CLOCK: variants seen among roughly 807,000 people sequenced by gnomAD.
The protein encoded by CLOCK is circadian locomoter output cycles protein kaput.
Under a neutral mutation model 118.4 loss-of-function variants are expected in CLOCK, and 43 were observed. That is an observed-to-expected ratio of 0.36 (90% CI 0.28 to 0.47). The LOEUF (loss-of-function observed/expected upper bound fraction) is 0.47. Ranked by LOEUF, CLOCK falls within the 20% of genes least tolerant of loss-of-function variation. The pLI is 1.00. For synonymous variants in CLOCK, 326 were observed against 339.2 expected (o/e 0.96, Z 0.43); for missense variants, 846 against 999.9 (o/e 0.85, Z 2.08).
chr4:55,450,263 T>C, intron 15 of CLOCK, 31 bp from the exon 16 acceptor site: 4 of 1,613,464 alleles, frequency 2.5e-6, no homozygotes, highest in South Asian at 1.1e-5. Flanking sequence ...AAATGTTTTC[T>C]TGTGGTTCAG....
At chr4:55,530,515 A>G (rs181236563) in intron 1 of CLOCK, among the ~76,000 whole-genome samples, 11 of 152,146 alleles carry the variant, frequency 7.2e-5, no homozygotes, top group Non-Finnish European at 1.5e-4. Context: ...TGGCTCATGC[A>G]TATAATCCCA....
chr4:55,449,619 G>T, intron 16 of CLOCK, 123 bp from the exon 17 acceptor site: 1 of 804,486 alleles, frequency 1.2e-6, no homozygotes, highest in Non-Finnish European at 2.1e-6. Context: ...ACCATTCAAT[G>T]AAAGTGAAGT....
intron 1 of CLOCK, among the ~76,000 whole-genome samples, chr4:55,527,764 T>G (rs1730298397): frequency 6.6e-6 from 1 of 152,056 alleles, no homozygotes; most frequent in African/African-American, 2.4e-5. Context: ...AAATATCAGC[T>G]GGGTGTGGTG....
chr4:55,485,642 A>T (rs1205652703), intron 3 of CLOCK, among the ~76,000 whole-genome samples: 2 of 152,326 alleles, frequency 1.3e-5, no homozygotes, highest in South Asian at 4.1e-4. Context: ...TTATTTTTTA[A>T]GTTCGACATT....
In CLOCK at chr4:55,458,952, A is replaced by T. The variant is rs2109800702; in HGVS notation, c.732T>A (p.Ser244=). 6.2e-7 allele frequency: 1 copy of T among 1,614,000 alleles called. No homozygotes were observed. The highest frequency in any genetic ancestry group is 2.2e-5 in the East Asian group (1 of 44,828). Residue 244 remains serine (S), a synonymous_variant, in exon 11 of 23, where the codon TCT becomes TCA. Coordinates refer to ENST00000513440, the MANE Select transcript of CLOCK (RefSeq NM_004898.4). ...EGTIQRTHRP[S]YEDRVCFVAT... ...CTACAAAACAAACTCTATCTTCATA[A>T]GATGGCCTATGTGTGCGTTGTATAG...
At chr4:55,479,501 T>C (rs1726766484) in intron 5 of CLOCK, 139 bp downstream of exon 5, 3 of 688,480 alleles carry the variant, frequency 4.4e-6, no homozygotes, top group South Asian at 3.7e-5. Context: ...CATACCAATA[T>C]TCTAAGTTCT....
At chr4:55,462,890 C>G (rs1725453987) in intron 9 of CLOCK, among the ~76,000 whole-genome samples, 1 of 151,350 alleles carries the variant, frequency 6.6e-6, no homozygotes, top group Non-Finnish European at 1.5e-5. Context: ...AGACAGTATG[C>G]TATAGAATTT....
At chr4:55,460,373 A>G (rs952219472) in intron 9 of CLOCK, among the ~76,000 whole-genome samples, 2 of 152,232 alleles carry the variant, frequency 1.3e-5, no homozygotes, top group African/African-American at 4.8e-5. Context: ...CTTTCAGGAC[A>G]TTCGAACTTG....
chr4:55,529,306 G>A (rs1427565435), intron 1 of CLOCK, among the ~76,000 whole-genome samples: 1 of 152,060 alleles, frequency 6.6e-6, no homozygotes, highest in Non-Finnish European at 1.5e-5. Flanking sequence ...CTATAGACAT[G>A]CATGACCATG....
chr4:55,479,002 T>C (rs1312412560), intron 5 of CLOCK, 39 bp from the exon 6 acceptor site: 1 of 1,488,432 alleles, frequency 6.7e-7, no homozygotes, highest in Non-Finnish European at 9.2e-7. Context: ...AAACAATCCA[T>C]TTAATTACAC....
intron 2 of CLOCK, among the ~76,000 whole-genome samples, chr4:55,509,506 T>C (rs1729009915): frequency 6.6e-6 from 1 of 152,202 alleles, no homozygotes; most frequent in Non-Finnish European, 1.5e-5. Flanking sequence ...GGCCTGCTTG[T>C]AAAGAGGAGC....
At chr4:55,439,822 G>T (rs1037732208) in intron 21 of CLOCK, among the ~76,000 whole-genome samples, 34 of 152,178 alleles carry the variant, frequency 2.2e-4, no homozygotes, top group African/African-American at 8.2e-4. Flanking sequence ...TACAGGGACA[G>T]AAAGTAGAAT....
At chr4:55,488,570 A>C (rs921561907) in intron 3 of CLOCK, among the ~76,000 whole-genome samples, 5 of 152,150 alleles carry the variant, frequency 3.3e-5, no homozygotes, top group African/African-American at 1.2e-4. Context: ...TATGTTCCTC[A>C]AACATTTCAT....
chr4:55,456,705 G>GTGA (rs1272509082), intron 11 of CLOCK, among the ~76,000 whole-genome samples: 2 of 152,004 alleles, frequency 1.3e-5, no homozygotes, highest in Non-Finnish European at 2.9e-5. Context: ...TTGACACAGG[G>GTGA]TCTCACTCTG....
At chr4:55,470,661 G>C in intron 8 of CLOCK, 56 bp downstream of exon 8, 1 of 1,250,244 alleles carries the variant, frequency 8.0e-7, no homozygotes, top group Non-Finnish European at 1.2e-6. Flanking sequence ...CAGTGCTTTA[G>C]AATATTTAAA....
chr4:55,526,786 A>G (rs1730221356), intron 1 of CLOCK, among the ~76,000 whole-genome samples: 1 of 152,044 alleles, frequency 6.6e-6, no homozygotes, highest in African/African-American at 2.4e-5. Flanking sequence ...GTCTCTACTA[A>G]AAATACAAAA....
Position 55,472,336 on chromosome 4 carries a change from C to T in CLOCK, c.349-1530G>A, listed in dbSNP as rs546354526. Among the ~76,000 whole-genome samples the T allele has an allele frequency of 4.6e-5, 7 of 152,114 alleles. No homozygotes were observed. In the East Asian group the frequency reaches 1.4e-3, roughly 29 times the overall value. On this transcript the variant is annotated intron_variant, in intron 7 of 22. Coordinates refer to ENST00000513440, the MANE Select transcript of CLOCK (RefSeq NM_004898.4). ...CTATTACAAGTCACTCATTCATGAA[C>T]TTTAGAAGGGAAGAAAAAGGCAAAC...
chr4:55,474,125 G>A (rs1274800785), intron 7 of CLOCK, among the ~76,000 whole-genome samples: 2 of 152,138 alleles, frequency 1.3e-5, no homozygotes, highest in African/African-American at 2.4e-5. Flanking sequence ...AACCAAACAA[G>A]TAGCAAAGTT....
chr4:55,521,570 T>C (rs937666560), intron 1 of CLOCK, among the ~76,000 whole-genome samples: 1 of 152,258 alleles, frequency 6.6e-6, no homozygotes, highest in Admixed American at 6.5e-5. Flanking sequence ...TGTGTGCTGC[T>C]ACTCTCAAAA....
Sources: allele counts gnomAD v4.1 joint callset (sites outside exome capture counted in the v4.1 genomes callset), GRCh38; gene constraint gnomAD v4.1.1; transcripts MANE v1.5; gene names NCBI Gene and HGNC (gene_info 2026-07-23, HGNC 2026-07-21).